PSMF1: variants seen among roughly 807,000 people sequenced by gnomAD.
PSMF1 encodes proteasome inhibitor subunit 1, also known as proteasome inhibitor PI31 subunit.
PSMF1 carries 30 observed loss-of-function variants against 29.3 expected under a neutral mutation model. The ratio of observed to expected loss-of-function variants is 1.02; its 90% CI spans 0.77 to 1.39. The LOEUF is 1.39. PSMF1 is among the 40% of genes most tolerant of loss of function. The pLI is 0.00. For missense variants in PSMF1, 344 were observed against 357.5 expected (o/e 0.96, Z 0.31); for synonymous variants, 134 against 139.7 (o/e 0.96, Z 0.29).
chr20:1,147,370 G>T (rs4813941), intron 4 of PSMF1, among the ~76,000 whole-genome samples: 2 of 152,012 alleles, frequency 1.3e-5, no homozygotes, highest in Non-Finnish European at 2.9e-5. Context: ...GCGTTATCTC[G>T]CTGGGAGGGT....
chr20:1,167,151 T>C lies in PSMF1; in HGVS notation c.*2071T>C, dbSNP rs1026166955. On this transcript the variant is annotated 3_prime_UTR_variant, in exon 7 of 7. Transcript: ENST00000335877. ...TAGGTGTTCTATGGGAGGAAGTGAA[T>C]AGAGCCTTTAGGAACTTCCTGGTCA... 6.6e-6 allele frequency: 1 copy of C among 152,098 alleles called. No individual in the cohort carries two copies. Among genetic ancestry groups the C allele is most frequent in the Non-Finnish European group, 1.5e-5 (1 of 68,034 alleles). 9.4% of individuals were successfully genotyped at this position (152,098 alleles called of 1,614,324 possible).
chr20:1,125,431 G>A (rs141995030), intron 1 of PSMF1, 67 bp from the exon 2 acceptor site: 207 of 1,479,092 alleles, frequency 1.4e-4, no homozygotes, highest in African/African-American at 4.9e-4. Context: ...AGCTTATCTC[G>A]TGAGGTTCTT....
Position 1,166,305 on chromosome 20 carries a change from G to A in PSMF1, c.*1225G>A. ...GCACGATAGAGCACCAGGCTAAGAG[G>A]CACGAGATCAAGGCGGTAGTCACTT... is the stretch of plus-strand genomic sequence containing the variant. On this transcript the variant is annotated 3_prime_UTR_variant, in exon 7 of 7. Transcript: ENST00000335877. 1 of 1,577,990 alleles carries A rather than the reference G, an allele frequency of 6.3e-7. No homozygotes were observed. The highest frequency in any genetic ancestry group is 1.1e-5 in the South Asian group (1 of 89,186).
intron 4 of PSMF1, among the ~76,000 whole-genome samples, chr20:1,157,831 C>T (rs1251936264): frequency 6.6e-6 from 1 of 151,100 alleles, no homozygotes; most frequent in Non-Finnish European, 1.5e-5. Flanking sequence ...CATTTGTAGT[C>T]CTGCCTGGAT....
At chr20:1,133,352 TATG>T (rs1349995598) in intron 3 of PSMF1, among the ~76,000 whole-genome samples, 1 of 150,960 alleles carries the variant, frequency 6.6e-6, no homozygotes, top group African/African-American at 2.4e-5. Flanking sequence ...GATATGATCA[TATG>T]ATTTTTCTTC....
intron 4 of PSMF1, among the ~76,000 whole-genome samples, chr20:1,150,179 CA>C (rs1164150737): frequency 0.012 from 1,338 of 111,792 alleles, 5 homozygotes; most frequent in African/African-American, 0.022. Context: ...GACCCTGTCT[CA>C]AAAAAAAAAA....
At chr20:1,148,749 G>A (rs1469763552) in intron 4 of PSMF1, among the ~76,000 whole-genome samples, 3 of 151,998 alleles carry the variant, frequency 2.0e-5, no homozygotes, top group African/African-American at 4.8e-5. Context: ...ACATCCCTGT[G>A]TATTAGGTTT....
At chr20:1,129,967 A>G (rs2086207223) in intron 3 of PSMF1, among the ~76,000 whole-genome samples, 1 of 152,246 alleles carries the variant, frequency 6.6e-6, no homozygotes, top group Non-Finnish European at 1.5e-5. Flanking sequence ...TTGGTATGTA[A>G]ATACAGTAGA....
At chr20:1,154,762 G>A (rs1053354787) in intron 4 of PSMF1, among the ~76,000 whole-genome samples, 1 of 152,188 alleles carries the variant, frequency 6.6e-6, no homozygotes, top group Non-Finnish European at 1.5e-5. Flanking sequence ...TGCCTAGGTG[G>A]TTCAAATAAT....
At chr20:1,129,575 C>G (rs2086202522) in intron 3 of PSMF1, among the ~76,000 whole-genome samples, 1 of 152,202 alleles carries the variant, frequency 6.6e-6, no homozygotes, top group Non-Finnish European at 1.5e-5. Context: ...GCAGTTGGAC[C>G]AGTCTTTCAG....
intron 4 of PSMF1, among the ~76,000 whole-genome samples, chr20:1,157,635 CTCAT>C (rs2086610588): frequency 6.6e-6 from 1 of 152,172 alleles, no homozygotes; most frequent in African/African-American, 2.4e-5. Flanking sequence ...GGAGGAAATA[CTCAT>C]GACAATTACA....
At position 1,118,716 on chromosome 20, in the gene PSMF1, G is replaced by C. The variant is rs547957206; in HGVS notation, c.-58G>C. On this transcript the variant is annotated 5_prime_UTR_variant, in exon 1 of 7. Coordinates refer to ENST00000335877, the MANE Select transcript of PSMF1 (RefSeq NM_006814.5). Reference sequence around the variant, plus strand: ...TATAGCTACCCCGGCCGCGGAGCCGGCTCACTGCACTACCCCCGCCCCCTT... The same window carrying C: ...TATAGCTACCCCGGCCGCGGAGCCGCCTCACTGCACTACCCCCGCCCCCTT... 4 of 1,557,744 alleles carry C rather than the reference G, an allele frequency of 2.6e-6. No homozygotes were observed. Among genetic ancestry groups the C allele is most frequent in the African/African-American group, 2.7e-5 (2 of 73,604 alleles).
chr20:1,123,012 A>G (rs1051128409), intron 1 of PSMF1, among the ~76,000 whole-genome samples: 1 of 152,232 alleles, frequency 6.6e-6, no homozygotes, highest in Non-Finnish European at 1.5e-5. Context: ...CCACGACACT[A>G]AACACTAAAC....
At chr20:1,113,875 TAG>T (rs1162460797), upstream of PSMF1, among the ~76,000 whole-genome samples, 1 of 151,882 alleles carries the variant, frequency 6.6e-6, no homozygotes, top group Admixed American at 6.6e-5. Context: ...GTATTTTTAG[TAG>T]AGACGGGGTT....
At chr20:1,143,498 AAATG>A (rs1224107269) in intron 4 of PSMF1, among the ~76,000 whole-genome samples, 1 of 152,246 alleles carries the variant, frequency 6.6e-6, no homozygotes, top group African/African-American at 2.4e-5. Flanking sequence ...TCATTGATTT[AAATG>A]TAACATACAA....
chr20:1,138,849 C>A (rs528710030), intron 4 of PSMF1, among the ~76,000 whole-genome samples: 6 of 150,168 alleles, frequency 4.0e-5, no homozygotes, highest in Admixed American at 6.6e-5. Context: ...AAAAACAAAA[C>A]CAAACAAAAG....
chr20:1,130,834 G>T (rs2086219374), intron 3 of PSMF1, among the ~76,000 whole-genome samples: 1 of 152,232 alleles, frequency 6.6e-6, no homozygotes, highest in Admixed American at 6.5e-5. Flanking sequence ...GTAGAGATGA[G>T]GTCTTTGCTG....
At chr20:1,121,146 A>G (rs917942342) in intron 1 of PSMF1, among the ~76,000 whole-genome samples, 4 of 151,916 alleles carry the variant, frequency 2.6e-5, no homozygotes, top group African/African-American at 9.7e-5. Context: ...TTTTTTTAAA[A>G]AGGTCCTTGA....
intron 3 of PSMF1, among the ~76,000 whole-genome samples, chr20:1,128,817 A>T (rs918573253): frequency 6.6e-5 from 10 of 152,010 alleles, no homozygotes; most frequent in Non-Finnish European, 1.3e-4. Flanking sequence ...CTTCTGCCTC[A>T]GCTTCCCGAG....
Sources: gnomAD v4.1 joint callset for allele counts (sites outside exome capture counted in the v4.1 genomes callset) on GRCh38, gnomAD v4.1.1 for gene constraint, MANE v1.5 for transcripts, NCBI Gene and HGNC (gene_info 2026-07-23, HGNC 2026-07-21) for gene names.